ZFHX2: variants seen among roughly 807,000 people sequenced by gnomAD.
ZFHX2 encodes zinc finger homeobox 2.
ZFHX2 carries 75 observed loss-of-function variants against 164.8 expected under a neutral mutation model. The ratio of observed to expected loss-of-function variants is 0.46; its 90% CI spans 0.38 to 0.55. The LOEUF (loss-of-function observed/expected upper bound fraction) is 0.55, where lower values mean the gene tolerates loss of function less well. Among genes scored for constraint, ZFHX2 ranks in the 20% least tolerant of loss-of-function variants. ZFHX2 has a pLI of 0.00. For synonymous variants in ZFHX2, 1,217 were observed against 1,351.4 expected, an observed-to-expected ratio of 0.90 and a Z score of 2.18; for missense variants, 2,933 against 3,308.0, an observed-to-expected ratio of 0.89 and a Z score of 2.78.
chr14:23,533,686 C>A lies in ZFHX2; in HGVS notation c.1640G>T (p.Gly547Val), dbSNP rs1879846329. The A allele has an allele frequency of 6.5e-7, 1 of 1,538,770 alleles. No homozygotes were observed. Among genetic ancestry groups the A allele is most frequent in the Non-Finnish European group, 8.7e-7 (1 of 1,148,158 alleles). The change falls in exon 2 of 10, where the codon GGA becomes GTA. Residue 547 changes from glycine (G) to valine (V), a missense_variant. Physicochemically the swap from Gly to Val is moderately radical, Grantham distance 109. Transcript: ENST00000419474. The surrounding 1 kb of genome is among the most constrained non-coding windows in gnomAD (Gnocchi z 4.8). ...TGGGAGTGATGCCTCTGGTGGACTT[C>A]CCTGCCCACCAGGGCCCGCCTGGAA... is the stretch of plus-strand genomic sequence containing the variant. ...QGFQAGPGGQGSPPEASLPPS... is the reference protein window; with the variant it reads ...QGFQAGPGGQVSPPEASLPPS...
rs1018807947 is a variant in ZFHX2, at chr14:23,533,374, C to T, written c.1952G>A (p.Gly651Glu). Residue 651 changes from glycine (G) to glutamate (E), a missense_variant, in exon 2 of 10, where the codon GGG becomes GAG. Coordinates refer to ENST00000419474, the MANE Select transcript of ZFHX2 (RefSeq NM_033400.3). The surrounding 1 kb of genome is among the most constrained non-coding windows in gnomAD (Gnocchi z 4.8). ...TTCCAGGGGCTTGTCTGGCCTCAGC[C>T]CCGGGCCAGCCAAGGGAGTCTGAGG... ...GQPQTPLAGP[G>E]LRPDKPLEAQ... The T allele has an allele frequency of 2.7e-6, 4 of 1,455,522 alleles. 1 individual carries two copies. Among genetic ancestry groups the T allele is most frequent in the Middle Eastern group, 3.6e-4 (2 of 5,614 alleles). 90.2% of individuals were successfully genotyped at this position (1,455,522 alleles called of 1,614,324 possible).
At chr14:23,542,258 G>A (rs939473916) in intron 1 of ZFHX2, 43 of 152,574 alleles carry the variant, frequency 2.8e-4, no homozygotes, top group African/African-American at 9.2e-4. Context: ...TGCTTAAGGT[G>A]GGCATGAGTA....
chr14:23,538,821 G>A (rs1477120291), intron 1 of ZFHX2, among the ~76,000 whole-genome samples: 3 of 152,178 alleles, frequency 2.0e-5, no homozygotes, highest in Non-Finnish European at 4.4e-5. Flanking sequence ...CCTCTGTGAA[G>A]GAGAGGGGTT....
At position 23,523,481 on chromosome 14, in the gene ZFHX2, T is replaced by C. The variant is rs765238432; in HGVS notation, c.6461A>G (p.Lys2154Arg). Residue 2154 changes from lysine to arginine, a missense_variant, in exon 9 of 10, where the codon AAG becomes AGG. Coordinates refer to ENST00000419474, the MANE Select transcript of ZFHX2 (RefSeq NM_033400.3). The surrounding 1 kb of genome is among the most constrained non-coding windows in gnomAD (Gnocchi z 4.1). ...QRTDCPYCDVKYDFYVSCRGH... is the reference protein window; with the variant it reads ...QRTDCPYCDVRYDFYVSCRGH... Reference sequence around the variant, plus strand: ...TCGGCAGGAGACATAGAAATCATACTTGACATCACAATAGGGGCAGTCAGT... The same window carrying C: ...TCGGCAGGAGACATAGAAATCATACCTGACATCACAATAGGGGCAGTCAGT... 137 of 1,536,122 alleles carry C rather than the reference T, an allele frequency of 8.9e-5. No individual in the cohort carries two copies. The highest frequency in any genetic ancestry group is 1.1e-4 in the Non-Finnish European group (127 of 1,146,902).
chr14:23,553,302 T>C (rs1835906394), upstream of ZFHX2, among the ~76,000 whole-genome samples: 1 of 152,128 alleles, frequency 6.6e-6, no homozygotes, highest in African/African-American at 2.4e-5. Flanking sequence ...ATTTTCTCAA[T>C]GAAAAAGCAG....
chr14:23,546,152 C>A lies in ZFHX2; in HGVS notation c.-50+5191G>T, dbSNP rs1881360360. The stretch of plus-strand genomic sequence containing the variant: ...ACGTGCTCCACAGGACCAGACTCTC[C>A]ATGCATAAACTGCTCTGCAGAGAGG... On this transcript the variant is annotated intron_variant, in intron 1 of 9. Transcript: ENST00000419474. The surrounding 1 kb of genome is among the most constrained non-coding windows in gnomAD (Gnocchi z 4.7). Among the ~76,000 whole-genome samples, 1 of 152,236 alleles carries A rather than the reference C, an allele frequency of 6.6e-6. No homozygotes were observed. Among genetic ancestry groups the A allele is most frequent in the Admixed American group, 6.5e-5 (1 of 15,286 alleles).
chr14:23,520,890 G>A lies in ZFHX2; in HGVS notation c.*1072C>T, dbSNP rs1370595831. On this transcript the variant is annotated 3_prime_UTR_variant, in exon 10 of 10. Transcript: ENST00000419474. This position sits in a 1 kb window ranked among gnomAD's most constrained non-coding sequence, Gnocchi z 8.7. ...GTTTTCTTCCTTTTTTTTTTTTTCT[G>A]TATTTTCCAAGTTTACGTTTTTCTT... The A allele has an allele frequency of 1.4e-5, 2 of 144,684 alleles. No homozygotes were observed. Among genetic ancestry groups the A allele is most frequent in the Non-Finnish European group, 3.0e-5 (2 of 66,878 alleles). The allele number at this position is 144,684 out of a possible 1,614,324, so 9.0% of individuals were successfully genotyped here.
chr14:23,525,962 G>T lies in ZFHX2; in HGVS notation c.3980C>A (p.Pro1327Gln), dbSNP rs981444744. The T allele has an allele frequency of 2.7e-6, 4 of 1,502,804 alleles. No individual in the cohort carries two copies. The highest frequency in any genetic ancestry group is 3.5e-6 in the Non-Finnish European group (4 of 1,129,568). 93.1% of individuals were successfully genotyped at this position (1,502,804 alleles called of 1,614,324 possible). ...ISGLPFLSPP[P>Q]PPLDLHRFPA... ...GAATCGGTGCAGGTCCAAGGGAGGT[G>T]GGGGAGGGGACAGGAAAGGCAATCC... Residue 1327 changes from proline to glutamine, a missense_variant, in exon 9 of 10, where the codon CCA (proline) becomes CAA (glutamine). Physicochemically the swap from Pro to Gln is moderately conservative, Grantham distance 76. Transcript: ENST00000419474. The surrounding 1 kb of genome is among the most constrained non-coding windows in gnomAD (Gnocchi z 5.9).
intron 3 of ZFHX2, 148 bp from the exon 4 acceptor site, chr14:23,531,869 C>G: frequency 1.1e-5 from 12 of 1,086,210 alleles, no homozygotes; most frequent in Non-Finnish European, 1.4e-5. Flanking sequence ...CCTCTACCTC[C>G]TGGGTTCAGT....
chr14:23,522,388 C>G lies in ZFHX2; in HGVS notation c.7293G>C (p.Glu2431Asp). ...TGCTGCCTGTCAGCAGCTCATCAACCTCACCAGCTTCCCCCTCCCCTGGAG... is the reference window on the plus strand; with the variant it reads ...TGCTGCCTGTCAGCAGCTCATCAACGTCACCAGCTTCCCCCTCCCCTGGAG... Reference protein sequence around the residue: ...LPAPGEGEAGEVDELLTGSTG... With the variant: ...LPAPGEGEAGDVDELLTGSTG... Residue 2431 changes from glutamate (E) to aspartate (D), a missense_variant, in exon 10 of 10, where the codon GAG becomes GAC. Transcript: ENST00000419474. 1 of 1,536,348 alleles carries G rather than the reference C, an allele frequency of 6.5e-7. No individual in the cohort carries two copies. Among genetic ancestry groups the G allele is most frequent in the Non-Finnish European group, 8.7e-7 (1 of 1,146,922 alleles).
At chr14:23,529,845 G>T in intron 5 of ZFHX2, 77 bp from the exon 6 acceptor site, 1 of 1,429,354 alleles carries the variant, frequency 7.0e-7, no homozygotes. Flanking sequence ...TTCCAGGGTA[G>T]GGAGTTGGGC....
chr14:23,523,358 G>T lies in ZFHX2; in HGVS notation c.6584C>A (p.Pro2195His), dbSNP rs1878291188. 5 of 1,472,632 alleles carry T rather than the reference G, an allele frequency of 3.4e-6. No individual in the cohort carries two copies. The highest frequency in any genetic ancestry group is 3.6e-6 in the Non-Finnish European group (4 of 1,114,166). 91.2% of individuals were successfully genotyped at this position (1,472,632 alleles called of 1,614,324 possible). A position where few individuals can be genotyped will look rare whatever the true frequency, so the allele number is the denominator to read the frequency against. ...ESKCYDLAPAPEAPPALKAPP... is the reference protein window; with the variant it reads ...ESKCYDLAPAHEAPPALKAPP... ...GGCCTTGAGAGCTGGGGGAGCCTCAGGTGCTGGGGCCAAGTCGTAGCACTT... is the reference window on the plus strand; with the variant it reads ...GGCCTTGAGAGCTGGGGGAGCCTCATGTGCTGGGGCCAAGTCGTAGCACTT... Residue 2195 changes from proline (P) to histidine (H), a missense_variant, in exon 9 of 10, where the codon CCT becomes CAT. Physicochemically the swap from Pro to His is moderately conservative, Grantham distance 77. Transcript: ENST00000419474. The surrounding 1 kb of genome is among the most constrained non-coding windows in gnomAD (Gnocchi z 4.1).
rs1037997369 is a variant in ZFHX2 at position 23,527,477 on chromosome 14, C to G, written c.3135+127G>C. ...TCGGACCGTCCTCACCCAGCCAACACACGCACTTGCCTGAATGCCCCCTGC... is the reference window on the plus strand; with the variant it reads ...TCGGACCGTCCTCACCCAGCCAACAGACGCACTTGCCTGAATGCCCCCTGC... On this transcript the variant is annotated intron_variant, in intron 7 of 9. Transcript: ENST00000419474. 12 of 1,243,608 alleles carry G rather than the reference C, an allele frequency of 9.6e-6. No individual in the cohort carries two copies. The Admixed American group carries it at 2.4e-4, about 25-fold the overall frequency. The allele number at this position is 1,243,608 out of a possible 1,614,324, so 77.0% of individuals were successfully genotyped here. A position where few individuals can be genotyped will look rare whatever the true frequency, so the allele number is the denominator to read the frequency against.
In ZFHX2 at chr14:23,531,722, C is replaced by T; in HGVS notation, c.2560-1G>A. 1 of 1,341,070 alleles carries T rather than the reference C, an allele frequency of 7.5e-7. No individual in the cohort carries two copies. The highest frequency in any genetic ancestry group is 9.6e-7 in the Non-Finnish European group (1 of 1,042,316). 83.1% of individuals were successfully genotyped at this position (1,341,070 alleles called of 1,614,324 possible). A position where few individuals can be genotyped will look rare whatever the true frequency, so the allele number is the denominator to read the frequency against. The stretch of plus-strand genomic sequence containing the variant: ...CCGCTCCCTCCATGTCCAGCAGAAA[C>T]TAGAACCATGGGAAGAGGCTGGCTC... On this transcript the variant is annotated splice_acceptor_variant, in intron 3 of 9. Coordinates refer to ENST00000419474, the MANE Select transcript of ZFHX2 (RefSeq NM_033400.3). LOFTEE classifies it high-confidence loss of function.
chr14:23,552,111 G>T (rs146713889), upstream of ZFHX2, among the ~76,000 whole-genome samples: 5 of 151,786 alleles, frequency 3.3e-5, no homozygotes, highest in East Asian at 9.7e-4. Context: ...TTATTATTCC[G>T]CCTCCCCCAT....
chr14:23,527,626 C>G lies in ZFHX2; in HGVS notation c.3113G>C (p.Cys1038Ser), dbSNP rs1339707414. The G allele has an allele frequency of 1.3e-6, 2 of 1,536,502 alleles. No individual in the cohort carries two copies. Among genetic ancestry groups the G allele is most frequent in the Non-Finnish European group, 1.7e-6 (2 of 1,147,000 alleles). ...CACTACAAGCAGCAGCTTCTCAACG[C>G]ACTCGGGCACCACGTTGTGAAGGTG... is the stretch of plus-strand genomic sequence containing the variant. ...LSHLHNVVPE[C>S]VEKLLLVATT... The change falls in exon 7 of 10, where the codon TGC becomes TCC. Residue 1038 changes from cysteine (C) to serine (S), a missense_variant. Cys to Ser is a moderately radical substitution (Grantham distance 112). Coordinates refer to ENST00000419474, the MANE Select transcript of ZFHX2 (RefSeq NM_033400.3).
chr14:23,524,530 G>T lies in ZFHX2; in HGVS notation c.5412C>A (p.Leu1804=), dbSNP rs1224749706. The T allele has an allele frequency of 1.3e-6, 2 of 1,527,008 alleles. No homozygotes were observed. The highest frequency in any genetic ancestry group is 2.0e-5 in the Admixed American group (1 of 50,568). The allele number at this position is 1,527,008 out of a possible 1,614,324, so 94.6% of individuals were successfully genotyped here. A position where few individuals can be genotyped will look rare whatever the true frequency, so the allele number is the denominator to read the frequency against. ...CAAACACCAGCAAGGGCAGATCTAGGAGTTGGGGGGGAGCACTGGGCTGCA... is the reference window on the plus strand; with the variant it reads ...CAAACACCAGCAAGGGCAGATCTAGTAGTTGGGGGGGAGCACTGGGCTGCA... ...PSLQPSAPPQ[L]LDLPLLVFGE... Residue 1804 remains leucine, a synonymous_variant, in exon 9 of 10, where the codon CTC becomes CTA. Transcript: ENST00000419474. The surrounding 1 kb of genome is among the most constrained non-coding windows in gnomAD (Gnocchi z 5.6).
rs1880095749 is a variant in ZFHX2, at chr14:23,535,948, G to A, written c.-49-574C>T. The stretch of plus-strand genomic sequence containing the variant: ...CCTCCCCATCTTTCCTATCTCCAAA[G>A]TTGGTACCAACATTTATCCAGTGGC... On this transcript the variant is annotated intron_variant, in intron 1 of 9. Transcript: ENST00000419474. The surrounding 1 kb of genome is among the most constrained non-coding windows in gnomAD (Gnocchi z 4.5). Among the ~76,000 whole-genome samples, 1 of 152,122 alleles carries A rather than the reference G, an allele frequency of 6.6e-6. No individual in the cohort carries two copies. The highest frequency in any genetic ancestry group is 1.5e-5 in the Non-Finnish European group (1 of 68,020).
At chr14:23,528,241 T>A (rs185521723) in intron 6 of ZFHX2, among the ~76,000 whole-genome samples, 47 of 152,162 alleles carry the variant, frequency 3.1e-4, no homozygotes, top group Admixed American at 1.9e-3. Flanking sequence ...ACTAGCCAGA[T>A]AGGAAGGCAT....
Sources: allele counts gnomAD v4.1 joint callset (sites outside exome capture counted in the v4.1 genomes callset), GRCh38; gene constraint gnomAD v4.1.1; non-coding constraint Gnocchi (gnomAD v3.1); transcripts MANE v1.5; gene names NCBI Gene and HGNC (gene_info 2026-07-23, HGNC 2026-07-21).